ROBO2: variants seen among roughly 807,000 people sequenced by gnomAD.
The protein encoded by ROBO2 is roundabout homolog 2.
A neutral mutation model predicts 160.8 loss-of-function variants in ROBO2; 53 were observed. That is an observed-to-expected ratio of 0.33 (90% CI 0.26 to 0.41). The LOEUF (loss-of-function observed/expected upper bound fraction) is 0.41. Ranked by LOEUF, ROBO2 falls within the 10% of genes least tolerant of loss-of-function variation. The pLI, the probability that ROBO2 is intolerant of heterozygous loss-of-function variation, is 1.00. For missense variants in ROBO2, 1,577 were observed against 1,722.4 expected (o/e 0.92, Z 1.49); for synonymous variants, 664 against 611.7 (o/e 1.09, Z -1.26).
chr3:76,455,355 A>T (rs1041916310), intron 2 of ROBO2, among the ~76,000 whole-genome samples: 8 of 152,072 alleles, frequency 5.3e-5, no homozygotes, highest in African/African-American at 1.9e-4. Flanking sequence ...CATTCTCATT[A>T]TTTGTTTTAT....
intron 2 of ROBO2, among the ~76,000 whole-genome samples, chr3:76,378,267 C>T (rs546862581): frequency 1.7e-4 from 26 of 152,228 alleles, no homozygotes; most frequent in African/African-American, 6.3e-4. Flanking sequence ...ATGGAGACAA[C>T]TTAGGAAGTA....
intron 2 of ROBO2, among the ~76,000 whole-genome samples, chr3:77,029,995 G>T (rs551119745): frequency 6.6e-6 from 1 of 151,640 alleles, no homozygotes; most frequent in Admixed American, 6.6e-5. Context: ...GCCCAGGCTG[G>T]AGTGCAGTGG....
chr3:77,591,527 A>C (rs1332830411), intron 17 of ROBO2, among the ~76,000 whole-genome samples: 1 of 152,162 alleles, frequency 6.6e-6, no homozygotes, highest in Non-Finnish European at 1.5e-5. Flanking sequence ...TTTGTGTAAA[A>C]ATTGCAAGAA....
At chr3:76,254,696 C>A (rs1257348883) in intron 2 of ROBO2, among the ~76,000 whole-genome samples, 1 of 151,346 alleles carries the variant, frequency 6.6e-6, no homozygotes, top group Non-Finnish European at 1.5e-5. Flanking sequence ...GATACATGAA[C>A]CCACGTATTA....
intron 18 of ROBO2, 138 bp from the exon 20 acceptor site, chr3:77,596,485 T>C (rs1046896253): frequency 1.3e-5 from 14 of 1,082,946 alleles, no homozygotes; most frequent in African/African-American, 9.4e-5. Context: ...TGGAGTTCTT[T>C]AATTCCAGGG....
intron 2 of ROBO2, among the ~76,000 whole-genome samples, chr3:76,682,877 C>T (rs1037780910): frequency 2.0e-5 from 3 of 152,028 alleles, no homozygotes; most frequent in South Asian, 2.1e-4. Flanking sequence ...CAGGGGTACA[C>T]GTCAACTAAG....
At chr3:76,876,309 G>T (rs2072713931) in intron 2 of ROBO2, among the ~76,000 whole-genome samples, 1 of 152,186 alleles carries the variant, frequency 6.6e-6, no homozygotes, top group Non-Finnish European at 1.5e-5. Flanking sequence ...AATATGGTCA[G>T]TTACCAAGTG....
intron 24 of ROBO2, among the ~76,000 whole-genome samples, chr3:77,636,965 TACA>T (rs2095274257): frequency 6.6e-6 from 1 of 152,234 alleles, no homozygotes; most frequent in African/African-American, 2.4e-5. Flanking sequence ...AAGTGTGTAG[TACA>T]ATGTCAGATT....
In ROBO2 at chr3:76,645,341, A is replaced by T. The variant is rs183665590; in HGVS notation, c.110-452673A>T. Among the ~76,000 whole-genome samples the T allele has an allele frequency of 9.8e-4, 150 of 152,306 alleles. 2 individuals carry two copies. Among genetic ancestry groups the T allele is most frequent in the Admixed American group, 2.5e-3 (38 of 15,304 alleles). ...AGATGAATTGGAAACAGAAATAAAAATGTTTATCTCCGTAGGCTGTAGAAT... is the reference window on the plus strand; with the variant it reads ...AGATGAATTGGAAACAGAAATAAAATTGTTTATCTCCGTAGGCTGTAGAAT... On this transcript the variant is annotated intron_variant, in intron 2 of 26. Transcript: ENST00000487694.
At position 77,445,803 on chromosome 3, in the gene ROBO2, T is replaced by TTG. The variant is rs1553960478; in HGVS notation, c.389-31610_389-31609insGT. ...TAAAAGGTTTTTTTTTGTTTTTTTT[T>TTG]TTTTTTTTGCTAATTTTAGTATAGC... On this transcript the variant is annotated intron_variant, in intron 2 of 25. Coordinates refer to ENST00000461745, the Ensembl canonical transcript of ROBO2. Among the ~76,000 whole-genome samples, 141 of 149,934 alleles carry TTG rather than the reference T, an allele frequency of 9.4e-4. 2 individuals carry two copies. The highest frequency in any genetic ancestry group is 1.7e-3 in the South Asian group (8 of 4,766).
chr3:76,331,898 G>C (rs1402453485), intron 2 of ROBO2, among the ~76,000 whole-genome samples: 1 of 151,860 alleles, frequency 6.6e-6, no homozygotes, highest in Non-Finnish European at 1.5e-5. Context: ...CGGTCAGGCT[G>C]TTCTCGAACT....
At chr3:77,647,241 G>GT (rs1180184536) in exon 26 of ROBO2, 2 of 152,176 alleles carry the variant, frequency 1.3e-5, no homozygotes. Context: ...TATACAACTT[G>GT]TTTTTTATTT....
At position 77,040,096 on chromosome 3, in the gene ROBO2, C is replaced by A; in HGVS notation, c.-690C>A. The A allele has an allele frequency of 3.1e-6, 3 of 967,938 alleles. No individual in the cohort carries two copies. Among genetic ancestry groups the A allele is most frequent in the Non-Finnish European group, 3.7e-6 (3 of 814,824 alleles). The allele number at this position is 967,938 out of a possible 1,614,324, so 60.0% of individuals were successfully genotyped here. On this transcript the variant is annotated 5_prime_UTR_variant, in exon 1 of 26. Transcript: ENST00000461745. Reference sequence around the variant, plus strand: ...CCTCGCTCCTTCCCTGCCTCCCTCACCACGTAGGAGTTCGGATTCTCCACC... The same window carrying A: ...CCTCGCTCCTTCCCTGCCTCCCTCAACACGTAGGAGTTCGGATTCTCCACC...
chr3:77,617,938 A>G (rs2094817307), intron 22 of ROBO2, 165 bp downstream of exon 23: 2 of 779,072 alleles, frequency 2.6e-6, no homozygotes, highest in Admixed American at 2.7e-5. Flanking sequence ...GAAATGTTAA[A>G]TAATTTGGCC....
intron 2 of ROBO2, among the ~76,000 whole-genome samples, chr3:76,730,198 G>A (rs538130642): frequency 7.6e-6 from 1 of 132,388 alleles, no homozygotes; most frequent in African/African-American, 2.9e-5. Context: ...CTCCCTACTC[G>A]CTTGTCCTCA....
At chr3:77,522,169 T>C (rs2090663990) in intron 5 of ROBO2, among the ~76,000 whole-genome samples, 1 of 151,196 alleles carries the variant, frequency 6.6e-6, no homozygotes, top group Admixed American at 6.6e-5. Flanking sequence ...GAAATGGAGG[T>C]AAAACCATAA....
At chr3:76,913,132 C>T (rs1199748549) in intron 2 of ROBO2, among the ~76,000 whole-genome samples, 1 of 152,222 alleles carries the variant, frequency 6.6e-6, no homozygotes, top group East Asian at 1.9e-4. Context: ...AAGGAAAAGG[C>T]GAAGCATGAT....
intron 2 of ROBO2, among the ~76,000 whole-genome samples, chr3:76,865,420 A>C (rs1435750606): frequency 1.3e-5 from 2 of 152,106 alleles, no homozygotes; most frequent in African/African-American, 4.8e-5. Context: ...TTCTGTATTT[A>C]ATCCTCTGCA....
chr3:77,025,857 T>G (rs761028589), intron 2 of ROBO2, among the ~76,000 whole-genome samples: 136 of 152,192 alleles, frequency 8.9e-4, no homozygotes, highest in Non-Finnish European at 1.6e-3. Flanking sequence ...CCATATTGTT[T>G]CTTAAGAGGT....
Sources: gnomAD v4.1 joint callset for allele counts (sites outside exome capture counted in the v4.1 genomes callset) on GRCh38, gnomAD v4.1.1 for gene constraint, MANE v1.5 for transcripts, NCBI Gene and HGNC (gene_info 2026-07-23, HGNC 2026-07-21) for gene names.